The following CAMK4 variants were observed in gnomAD, a reference collection of about 807,000 sequenced individuals.
CAMK4 encodes the protein calcium/calmodulin dependent protein kinase IV.
In CAMK4, 22 loss-of-function variants were observed where a neutral mutation model predicts 44.9. That is an observed-to-expected ratio of 0.49 (90% CI 0.35 to 0.70). The LOEUF (loss-of-function observed/expected upper bound fraction) is 0.70. Among genes scored for constraint, CAMK4 ranks in the 30% least tolerant of loss-of-function variants. CAMK4 has a pLI of 0.01. For missense variants in CAMK4, 498 were observed against 586.8 expected, an observed-to-expected ratio of 0.85 and a Z score of 1.56; for synonymous variants, 218 against 215.4, an observed-to-expected ratio of 1.01 and a Z score of -0.11.
chr5:111,363,040 A>C (rs306069), intron 2 of CAMK4, among the ~76,000 whole-genome samples: 2 of 152,012 alleles, frequency 1.3e-5, no homozygotes, highest in Non-Finnish European at 2.9e-5. Context: ...CGGGATTTCT[A>C]TCTGGCAGCT....
chr5:111,400,722 C>T (rs1752192555), intron 5 of CAMK4, among the ~76,000 whole-genome samples: 1 of 152,144 alleles, frequency 6.6e-6, no homozygotes, highest in African/African-American at 2.4e-5. Flanking sequence ...TTCAGTCAGT[C>T]CTCGAGAGCA....
At chr5:111,409,186 C>T (rs769461941) in intron 5 of CAMK4, among the ~76,000 whole-genome samples, 2 of 152,184 alleles carry the variant, frequency 1.3e-5, no homozygotes, top group Admixed American at 1.3e-4. Flanking sequence ...CCCTAGCAGA[C>T]GTTCCCTGCA....
chr5:111,464,788 G>A (rs1580788878), intron 7 of CAMK4, among the ~76,000 whole-genome samples: 1 of 152,202 alleles, frequency 6.6e-6, no homozygotes, highest in African/African-American at 2.4e-5. Context: ...GTAAGTGGTT[G>A]CCATAATCCT....
At chr5:111,246,882 G>T (rs1461763292) in intron 1 of CAMK4, among the ~76,000 whole-genome samples, 1 of 152,158 alleles carries the variant, frequency 6.6e-6, no homozygotes, top group African/African-American at 2.4e-5. Context: ...AACATGCTGA[G>T]CAGCAACCAA....
intron 7 of CAMK4, among the ~76,000 whole-genome samples, chr5:111,470,407 G>C (rs901529152): frequency 1.3e-5 from 2 of 152,182 alleles, no homozygotes; most frequent in Non-Finnish European, 2.9e-5. Flanking sequence ...CTGAATTGCT[G>C]TGTAGAGTGC....
chr5:111,299,436 T>C (rs779181119), intron 1 of CAMK4, among the ~76,000 whole-genome samples: 13 of 152,220 alleles, frequency 8.5e-5, no homozygotes, highest in Non-Finnish European at 1.5e-4. Flanking sequence ...CACCCCCGCT[T>C]GGACCTCAGC....
chr5:111,367,590 G>C (rs1369659193), intron 2 of CAMK4, among the ~76,000 whole-genome samples: 1 of 152,076 alleles, frequency 6.6e-6, no homozygotes, highest in African/African-American at 2.4e-5. Flanking sequence ...ATTTCATGCA[G>C]GTTAGGCCAA....
At chr5:111,313,386 C>G (rs956980077) in intron 1 of CAMK4, among the ~76,000 whole-genome samples, 1 of 152,054 alleles carries the variant, frequency 6.6e-6, no homozygotes, top group Non-Finnish European at 1.5e-5. Flanking sequence ...GTTAGAAACT[C>G]TTTGTTACCT....
In CAMK4 at chr5:111,284,814, T is replaced by C. The variant is rs564943062; in HGVS notation, c.162-59210T>C. ...CCATGGATAATAAGCAAGTGTGTAG[T>C]GAGATTTTTATTTCCCATCTAACTT... On this transcript the variant is annotated intron_variant, in intron 1 of 10. Transcript: ENST00000282356. Among the ~76,000 whole-genome samples the C allele has an allele frequency of 8.5e-5, 13 of 152,324 alleles. No homozygotes were observed. The South Asian group carries it at 2.7e-3, about 32-fold the overall frequency.
intron 1 of CAMK4, among the ~76,000 whole-genome samples, chr5:111,303,467 A>G (rs1747819580): frequency 1.5e-5 from 1 of 64,548 alleles, no homozygotes; most frequent in East Asian, 5.0e-4. Context: ...TCAGGAGCCG[A>G]TGCGATCAAC....
intron 1 of CAMK4, among the ~76,000 whole-genome samples, chr5:111,269,078 G>A (rs4957936): frequency 0.26 from 40,236 of 152,104 alleles, 6,325 homozygotes; most frequent in African/African-American, 0.44. Flanking sequence ...AAAGTATTTT[G>A]ATACCAATAA....
At chr5:111,427,332 T>G (rs897368092) in intron 5 of CAMK4, among the ~76,000 whole-genome samples, 4 of 152,052 alleles carry the variant, frequency 2.6e-5, no homozygotes, top group African/African-American at 9.7e-5. Flanking sequence ...GGGCCCTTGA[T>G]CCCCGAAAAG....
intron 5 of CAMK4, among the ~76,000 whole-genome samples, chr5:111,409,656 G>A (rs553473898): frequency 6.6e-6 from 1 of 152,296 alleles, no homozygotes; most frequent in South Asian, 2.1e-4. Context: ...CATGTCAGCA[G>A]GCTGCAAATT....
At position 111,488,339 on chromosome 5, in the gene CAMK4, G is replaced by A. The variant is rs955214376; in HGVS notation, c.*3873G>A. On this transcript the variant is annotated 3_prime_UTR_variant, in exon 11 of 11. Transcript: ENST00000282356. ...TCCTTAGAAGGGTTTAATCAACACT[G>A]CCATTACACATGGATTTAACAAAAG... 2 of 152,136 alleles carry A rather than the reference G, an allele frequency of 1.3e-5. No homozygotes were observed. Among genetic ancestry groups the A allele is most frequent in the African/African-American group, 4.8e-5 (2 of 41,430 alleles). 9.4% of individuals were successfully genotyped at this position (152,136 alleles called of 1,614,324 possible).
chr5:111,232,493 T>C (rs997098313), intron 1 of CAMK4, among the ~76,000 whole-genome samples: 1 of 152,122 alleles, frequency 6.6e-6, no homozygotes, highest in African/African-American at 2.4e-5. Flanking sequence ...CATTTTTGTT[T>C]TGCAAAATTT....
chr5:111,445,385 G>A (rs1753989656), intron 5 of CAMK4, among the ~76,000 whole-genome samples: 1 of 152,118 alleles, frequency 6.6e-6, no homozygotes, highest in South Asian at 2.1e-4. Flanking sequence ...ATTACCTTGT[G>A]TATATACATA....
chr5:111,370,788 A>T (rs1051791437), intron 2 of CAMK4, among the ~76,000 whole-genome samples: 3 of 152,060 alleles, frequency 2.0e-5, no homozygotes, highest in African/African-American at 7.2e-5. Context: ...GGTGGCGCAC[A>T]CCTGTAGTCC....
chr5:111,403,800 G>T (rs903897751), intron 5 of CAMK4, among the ~76,000 whole-genome samples: 1 of 152,082 alleles, frequency 6.6e-6, no homozygotes, highest in African/African-American at 2.4e-5. Flanking sequence ...AAATGTTTCT[G>T]CACACCATTA....
intron 6 of CAMK4, among the ~76,000 whole-genome samples, chr5:111,448,598 G>T (rs1235012161): frequency 1.3e-5 from 2 of 152,184 alleles, no homozygotes; most frequent in Non-Finnish European, 2.9e-5. Context: ...GAGGTCAGGA[G>T]ATCGAGACCA....
Sources: gnomAD v4.1 joint callset for allele counts (sites outside exome capture counted in the v4.1 genomes callset) on GRCh38, gnomAD v4.1.1 for gene constraint, MANE v1.5 for transcripts, NCBI Gene and HGNC (gene_info 2026-07-23, HGNC 2026-07-21) for gene names.